RAPGEF5: variants seen among roughly 807,000 people sequenced by gnomAD.
RAPGEF5 encodes the protein Rap guanine nucleotide exchange factor 5.
A neutral mutation model predicts 125.2 loss-of-function variants in RAPGEF5; 65 were observed. The ratio of observed to expected loss-of-function variants is 0.52; its 90% confidence interval spans 0.43 to 0.64. The LOEUF (loss-of-function observed/expected upper bound fraction) is 0.64. RAPGEF5 is among the 30% of genes least tolerant of loss of function. RAPGEF5 has a pLI of 0.00. For missense variants in RAPGEF5, 958 were observed against 1,048.1 expected (o/e 0.91, Z 1.19); for synonymous variants, 391 against 385.9 (o/e 1.01, Z -0.16).
At chr7:22,232,915 G>C (rs1786094987) in intron 7 of RAPGEF5, among the ~76,000 whole-genome samples, 1 of 152,186 alleles carries the variant, frequency 6.6e-6, no homozygotes, top group East Asian at 1.9e-4. Context: ...GGATAACTAG[G>C]ATAACTCTGA....
intron 16 of RAPGEF5, among the ~76,000 whole-genome samples, chr7:22,155,857 T>C (rs951307961): frequency 1.8e-4 from 28 of 151,992 alleles, no homozygotes; most frequent in African/African-American, 6.5e-4. Flanking sequence ...ATAAAAAGAG[T>C]CTGGGGGCCT....
intron 7 of RAPGEF5, among the ~76,000 whole-genome samples, chr7:22,243,484 G>C (rs1463706990): frequency 6.6e-6 from 1 of 152,096 alleles, no homozygotes; most frequent in Non-Finnish European, 1.5e-5. Context: ...TTGAACGCCT[G>C]ACCTCAGGTG....
intron 1 of RAPGEF5, among the ~76,000 whole-genome samples, chr7:22,333,453 G>A (rs1490490498): frequency 6.6e-6 from 1 of 152,088 alleles, no homozygotes; most frequent in African/African-American, 2.4e-5. Context: ...TTACCTGAAG[G>A]GAAAGATTAT....
At chr7:22,212,768 T>TGC (rs1785540988) in intron 9 of RAPGEF5, among the ~76,000 whole-genome samples, 1 of 152,198 alleles carries the variant, frequency 6.6e-6, no homozygotes, top group Non-Finnish European at 1.5e-5. Context: ...GTTACATTAA[T>TGC]GCAGATCAGG....
In RAPGEF5 at chr7:22,126,441, A is replaced by G. The variant is rs145909641; in HGVS notation, c.2482-783T>C. Among the ~76,000 whole-genome samples, 363 of 152,268 alleles carry G rather than the reference A, an allele frequency of 2.4e-3. 1 individual carries two copies. The highest frequency in any genetic ancestry group is 4.4e-3 in the Non-Finnish European group (296 of 68,020). On this transcript the variant is annotated intron_variant, in intron 24 of 25. Coordinates refer to ENST00000665637, the MANE Select transcript of RAPGEF5 (RefSeq NM_012294.5). Reference sequence around the variant, plus strand: ...TTGAACTTTTCTCCTTCTTTAGACCAAGTACCACCAGAGGGCTTTGGATGT... The same window carrying G: ...TTGAACTTTTCTCCTTCTTTAGACCGAGTACCACCAGAGGGCTTTGGATGT...
intron 5 of RAPGEF5, chr7:22,298,690 A>T (rs151159414): frequency 6.6e-6 from 1 of 152,240 alleles, no homozygotes; most frequent in Non-Finnish European, 1.5e-5. Context: ...GAGAAATGAC[A>T]TAAGTTATTT....
At chr7:22,265,022 T>A (rs113341017) in intron 7 of RAPGEF5, among the ~76,000 whole-genome samples, 3 of 152,170 alleles carry the variant, frequency 2.0e-5, no homozygotes, top group African/African-American at 7.2e-5. Context: ...CATATTTGTA[T>A]GGTACATGAT....
chr7:22,305,411 C>CT (rs1407491315), intron 5 of RAPGEF5, among the ~76,000 whole-genome samples: 1 of 151,962 alleles, frequency 6.6e-6, no homozygotes, highest in African/African-American at 2.4e-5. Context: ...TATTTTTTCT[C>CT]TTTTTTTATC....
intron 2 of RAPGEF5, 60 bp from the exon 3 acceptor site, chr7:22,315,536 C>T: frequency 1.9e-6 from 2 of 1,040,774 alleles, no homozygotes; most frequent in Non-Finnish European, 1.2e-6. Context: ...TTGTGAACTA[C>T]CAATAGCATA....
chr7:22,284,972 G>A (rs921450506), intron 6 of RAPGEF5, among the ~76,000 whole-genome samples: 2 of 152,164 alleles, frequency 1.3e-5, no homozygotes, highest in African/African-American at 4.8e-5. Context: ...ATGATTGTAA[G>A]TCAAAAATTT....
intron 17 of RAPGEF5, among the ~76,000 whole-genome samples, chr7:22,152,809 G>A (rs1384916356): frequency 6.6e-6 from 1 of 152,142 alleles, no homozygotes; most frequent in Non-Finnish European, 1.5e-5. Flanking sequence ...AAACATTATT[G>A]TTTGGGGGAT....
At chr7:22,210,555 C>T (rs181311785) in intron 9 of RAPGEF5, among the ~76,000 whole-genome samples, 27 of 152,278 alleles carry the variant, frequency 1.8e-4, no homozygotes, top group Admixed American at 1.5e-3. Context: ...TACCTCCAAG[C>T]CACTTTCTGA....
At chr7:22,201,214 C>T (rs562287753) in intron 9 of RAPGEF5, among the ~76,000 whole-genome samples, 29 of 152,352 alleles carry the variant, frequency 1.9e-4, no homozygotes, top group Non-Finnish European at 3.2e-4. Flanking sequence ...GCCAGAACTA[C>T]AGAAGGAAGC....
chr7:22,331,067 A>T (rs1269309374), intron 1 of RAPGEF5, among the ~76,000 whole-genome samples: 1 of 152,150 alleles, frequency 6.6e-6, no homozygotes, highest in Non-Finnish European at 1.5e-5. Flanking sequence ...CCCGAGTGCC[A>T]ACTCTCCAGT....
chr7:22,254,662 C>T (rs910562588), intron 7 of RAPGEF5, among the ~76,000 whole-genome samples: 2 of 151,432 alleles, frequency 1.3e-5, no homozygotes, highest in Admixed American at 6.6e-5. Flanking sequence ...ATAGAGCAGT[C>T]CTCAACCTTT....
At chr7:22,196,361 T>C (rs1006509295) in intron 9 of RAPGEF5, among the ~76,000 whole-genome samples, 17 of 152,220 alleles carry the variant, frequency 1.1e-4, no homozygotes, top group Non-Finnish European at 2.2e-4. Context: ...TGTGCTTGAT[T>C]GGTTAAGATT....
intron 1 of RAPGEF5, among the ~76,000 whole-genome samples, chr7:22,340,761 C>T (rs1356344004): frequency 6.6e-6 from 1 of 152,216 alleles, no homozygotes; most frequent in African/African-American, 2.4e-5. Context: ...AGGTGATGCA[C>T]AGGCATGGCC....
intron 3 of RAPGEF5, among the ~76,000 whole-genome samples, chr7:22,313,064 C>G (rs552919978): frequency 6.6e-6 from 1 of 152,264 alleles, no homozygotes; most frequent in South Asian, 2.1e-4. Context: ...AGATCTGACT[C>G]CAGTTTCAAT....
At chr7:22,338,851 G>A (rs757253443) in intron 1 of RAPGEF5, among the ~76,000 whole-genome samples, 26 of 152,180 alleles carry the variant, frequency 1.7e-4, no homozygotes, top group Admixed American at 3.9e-4. Flanking sequence ...CAGAAGAGGC[G>A]CCCCCACCAC....
Sources: allele counts gnomAD v4.1 joint callset (sites outside exome capture counted in the v4.1 genomes callset), GRCh38; gene constraint gnomAD v4.1.1; transcripts MANE v1.5; gene names NCBI Gene and HGNC (gene_info 2026-07-23, HGNC 2026-07-21).